Variants in CMSS1 observed in about 807,000 individuals in gnomAD.
CMSS1 encodes the protein protein CMSS1.
A neutral mutation model predicts 43.5 loss-of-function variants in CMSS1; 33 were observed. The ratio of observed to expected loss-of-function variants is 0.76; its 90% CI spans 0.57 to 1.01. CMSS1 has a LOEUF of 1.01. CMSS1 is among the 50% of genes least tolerant of loss of function. The pLI, the probability that CMSS1 is intolerant of heterozygous loss-of-function variation, is 0.00. For missense variants in CMSS1, 313 were observed against 326.4 expected, an observed-to-expected ratio of 0.96 and a Z score of 0.32; for synonymous variants, 115 against 117.2, an observed-to-expected ratio of 0.98 and a Z score of 0.12.
At chr3:100,103,654 G>A (rs142409949) in intron 1 of CMSS1, among the ~76,000 whole-genome samples, 3 of 152,284 alleles carry the variant, frequency 2.0e-5, no homozygotes, top group African/African-American at 7.2e-5. Context: ...TTGGTTGCCA[G>A]CATTGCACTG....
chr3:100,029,214 A>G (rs1248402394), intron 1 of CMSS1, among the ~76,000 whole-genome samples: 1 of 151,936 alleles, frequency 6.6e-6, no homozygotes, highest in Non-Finnish European at 1.5e-5. Flanking sequence ...TTGTCTAAAA[A>G]GAATTATTTT....
intron 2 of CMSS1, among the ~76,000 whole-genome samples, chr3:100,150,244 T>C (rs539977631): frequency 4.2e-4 from 64 of 152,356 alleles, no homozygotes; most frequent in African/African-American, 1.3e-3. Context: ...AGGGTTTCTT[T>C]TGTGTCCACT....
chr3:100,059,362 A>G (rs1458290883), intron 1 of CMSS1, among the ~76,000 whole-genome samples: 1 of 152,194 alleles, frequency 6.6e-6, no homozygotes, highest in Non-Finnish European at 1.5e-5. Flanking sequence ...AATGCTTCAC[A>G]CCTGTGTCCT....
At chr3:99,938,511 AC>A (rs977660208) in intron 1 of CMSS1, among the ~76,000 whole-genome samples, 20 of 152,262 alleles carry the variant, frequency 1.3e-4, no homozygotes, top group Middle Eastern at 3.4e-3. Context: ...TATATTTAAC[AC>A]CCCATACTTT....
intron 1 of CMSS1, among the ~76,000 whole-genome samples, chr3:100,101,050 G>T (rs1440956352): frequency 6.6e-6 from 1 of 152,172 alleles, no homozygotes; most frequent in Non-Finnish European, 1.5e-5. Flanking sequence ...AGATTTTGGA[G>T]TACCTTGACC....
intron 1 of CMSS1, among the ~76,000 whole-genome samples, chr3:100,098,610 T>G: frequency 6.6e-6 from 1 of 152,194 alleles, no homozygotes; most frequent in Non-Finnish European, 1.5e-5. Context: ...TGCAAGGAAG[T>G]TATTTTTGTG....
At chr3:99,967,956 A>G (rs886997948) in intron 1 of CMSS1, among the ~76,000 whole-genome samples, 6 of 152,244 alleles carry the variant, frequency 3.9e-5, no homozygotes, top group African/African-American at 1.4e-4. Context: ...AAAGCATCAC[A>G]GTACTTCAGC....
chr3:99,898,780 A>G (rs1326863661), intron 1 of CMSS1: 1 of 152,232 alleles, frequency 6.6e-6, no homozygotes, highest in Admixed American at 6.6e-5. Flanking sequence ...AAAAAAAAAA[A>G]AAAAAGTGCA....
At chr3:99,938,118 A>C (rs1707747521) in intron 1 of CMSS1, among the ~76,000 whole-genome samples, 1 of 151,866 alleles carries the variant, frequency 6.6e-6, no homozygotes, top group Non-Finnish European at 1.5e-5. Context: ...CTGGGTGGGG[A>C]AGAAATGTTA....
chr3:100,013,214 GTGTTGTTGT>G lies in CMSS1; in HGVS notation c.65-133721_65-133713del, dbSNP rs35047568. Among the ~76,000 whole-genome samples, 514 of 145,512 alleles carry G rather than the reference GTGTTGTTGT, an allele frequency of 3.5e-3. 5 individuals are homozygous for G. The highest frequency in any genetic ancestry group is 0.011 in the African/African-American group (435 of 39,204). On this transcript the variant is annotated intron_variant, in intron 1 of 9. Coordinates refer to ENST00000421999, the MANE Select transcript of CMSS1 (RefSeq NM_032359.4). ...AGCAGCCCATTTCAAGGCCAGTGAG[GTGTTGTTGT>G]TGTTGTTGTTGTTGTTGTTGTTGTT...
intron 4 of CMSS1, 93 bp downstream of exon 4, chr3:100,162,525 C>T: frequency 7.3e-7 from 1 of 1,370,460 alleles, no homozygotes; most frequent in Non-Finnish European, 1.0e-6. Flanking sequence ...AACACATTTT[C>T]CAGCGGGCAT....
chr3:100,102,042 C>G (rs1200690649), intron 1 of CMSS1, among the ~76,000 whole-genome samples: 4 of 152,146 alleles, frequency 2.6e-5, no homozygotes, highest in Non-Finnish European at 5.9e-5. Context: ...TGGCTTGGTT[C>G]CAAGTCTTTG....
At chr3:99,908,886 G>A (rs1005188949) in intron 1 of CMSS1, among the ~76,000 whole-genome samples, 1 of 152,060 alleles carries the variant, frequency 6.6e-6, no homozygotes, top group African/African-American at 2.4e-5. Flanking sequence ...GTGTGTGTGT[G>A]TGTTCTTTCT....
At chr3:99,962,749 A>G (rs1576604097) in intron 1 of CMSS1, among the ~76,000 whole-genome samples, 2 of 152,306 alleles carry the variant, frequency 1.3e-5, no homozygotes, top group Non-Finnish European at 2.9e-5. Context: ...TAGTTTAAAT[A>G]ACTTCCCAAA....
intron 1 of CMSS1, among the ~76,000 whole-genome samples, chr3:99,820,659 A>C (rs1403023304): frequency 2.6e-5 from 4 of 152,236 alleles, no homozygotes; most frequent in Non-Finnish European, 4.4e-5. Context: ...ATTCAAAAGA[A>C]ATCACAGCTG....
chr3:99,832,935 T>G (rs1255201954), intron 1 of CMSS1, among the ~76,000 whole-genome samples: 1 of 151,252 alleles, frequency 6.6e-6, no homozygotes, highest in East Asian at 1.9e-4. Flanking sequence ...TTAAAATGTG[T>G]CATCTCTTGG....
In CMSS1 at chr3:99,915,527, C is replaced by T. The variant is rs149949621; in HGVS notation, c.64+97484C>T. Among the ~76,000 whole-genome samples, 706 of 152,160 alleles carry T rather than the reference C, an allele frequency of 4.6e-3. 5 individuals are homozygous for T. Among genetic ancestry groups the T allele is most frequent in the African/African-American group, 0.016 (670 of 41,498 alleles). ...CCTCACTTTGGTTCAGTCTTGATTT[C>T]GCATATTTGGAAGGCTACATTTTTC... On this transcript the variant is annotated intron_variant, in intron 1 of 9. Coordinates refer to ENST00000421999, the MANE Select transcript of CMSS1 (RefSeq NM_032359.4).
intron 1 of CMSS1, among the ~76,000 whole-genome samples, chr3:99,939,704 A>G (rs533001410): frequency 2.0e-5 from 3 of 152,194 alleles, no homozygotes; most frequent in Non-Finnish European, 1.5e-5. Context: ...AACTTCTTCC[A>G]GTTTAGCTTA....
intron 1 of CMSS1, chr3:100,010,235 C>T: frequency 3.6e-6 from 2 of 558,426 alleles, no homozygotes; most frequent in Non-Finnish European, 4.5e-6. Flanking sequence ...TGTGATTTCT[C>T]AGTATGTTTT....
Sources: gnomAD v4.1 joint callset for allele counts (sites outside exome capture counted in the v4.1 genomes callset) on GRCh38, gnomAD v4.1.1 for gene constraint, MANE v1.5 for transcripts, NCBI Gene and HGNC (gene_info 2026-07-23, HGNC 2026-07-21) for gene names.